The following CDH18 variants were observed in gnomAD, a reference collection of about 807,000 sequenced individuals.
The protein encoded by CDH18 is cadherin-18.
A neutral mutation model predicts 67.9 loss-of-function variants in CDH18; 31 were observed. The ratio of observed to expected loss-of-function variants is 0.46; its 90% CI spans 0.34 to 0.62. The LOEUF (loss-of-function observed/expected upper bound fraction) is 0.62. CDH18 is among the 20% of genes least tolerant of loss of function. The probability of loss-of-function intolerance (pLI) is 0.01; values close to 1 mark genes in which losing one functional copy is unlikely to be tolerated. For missense variants in CDH18, 890 were observed against 975.5 expected (o/e 0.91, Z 1.17); for synonymous variants, 362 against 347.2 (o/e 1.04, Z -0.48).
intron 1 of CDH18, among the ~76,000 whole-genome samples, chr5:20,379,708 G>A (rs1743755548): frequency 1.3e-5 from 2 of 151,766 alleles, no homozygotes; most frequent in South Asian, 4.2e-4. Context: ...TATTTTGAAG[G>A]ACAGATTCAG....
At chr5:19,797,584 C>T (rs1776990686) in intron 3 of CDH18, among the ~76,000 whole-genome samples, 1 of 151,932 alleles carries the variant, frequency 6.6e-6, no homozygotes, top group African/African-American at 2.4e-5. Flanking sequence ...ATTGCATTTA[C>T]AATCACTAAA....
intron 3 of CDH18, among the ~76,000 whole-genome samples, chr5:19,800,424 G>C (rs1461995816): frequency 1.3e-5 from 2 of 152,114 alleles, no homozygotes; most frequent in African/African-American, 4.8e-5. Flanking sequence ...TGGGATAACG[G>C]AAGGAGTCAG....
chr5:20,091,179 T>C (rs1745385886), intron 2 of CDH18, among the ~76,000 whole-genome samples: 1 of 151,980 alleles, frequency 6.6e-6, no homozygotes, highest in African/African-American at 2.4e-5. Context: ...TAAAGGTAAA[T>C]TGCAATATAC....
At chr5:20,262,799 G>C (rs964601665) in intron 1 of CDH18, among the ~76,000 whole-genome samples, 1 of 151,828 alleles carries the variant, frequency 6.6e-6, no homozygotes, top group Non-Finnish European at 1.5e-5. Flanking sequence ...AAATCGATCA[G>C]TTAAGTAATT....
chr5:20,438,774 T>A (rs946408277), intron 1 of CDH18, among the ~76,000 whole-genome samples: 14 of 151,462 alleles, frequency 9.2e-5, no homozygotes, highest in African/African-American at 3.4e-4. Context: ...TCACTCTGTT[T>A]TCTATCCCAG....
At chr5:19,994,176 G>T (rs1382810234) in intron 2 of CDH18, among the ~76,000 whole-genome samples, 1 of 151,886 alleles carries the variant, frequency 6.6e-6, no homozygotes, top group Non-Finnish European at 1.5e-5. Flanking sequence ...TTTGTCAACT[G>T]AATGAATGCA....
intron 2 of CDH18, among the ~76,000 whole-genome samples, chr5:19,925,991 G>A (rs989212637): frequency 2.0e-4 from 31 of 151,996 alleles, no homozygotes; most frequent in Middle Eastern, 3.2e-3. Context: ...TTATAGTAGC[G>A]AATAATAAAA....
At position 19,492,445 on chromosome 5, in the gene CDH18, A is replaced by G. The variant is rs1561188358; in HGVS notation, c.1631-8893T>C. Among the ~76,000 whole-genome samples, 3 of 152,258 alleles carry G rather than the reference A, an allele frequency of 2.0e-5. No homozygotes were observed. The East Asian group carries it at 5.8e-4, about 29-fold the overall frequency. On this transcript the variant is annotated intron_variant, in intron 11 of 12. Coordinates refer to ENST00000382275, the MANE Select transcript of CDH18 (RefSeq NM_004934.5). ...ATAAATTTAGTAATAATATGGCCAT[A>G]GTTTATTCACTATAGATGTGAAGTT...
rs571816654 is a variant in CDH18, at chr5:20,154,953, A to G, written c.-518+100491T>C. 3.3e-5 allele frequency among the ~76,000 whole-genome samples: 5 copies of G among 152,190 alleles called. No individual in the cohort carries two copies. In the South Asian group the frequency reaches 1.0e-3, roughly 32 times the overall value. ...GCATTTTTTGTTCCCACTACTTACAATATTTCTCATCCAATATCAACCTGA... is the reference window on the plus strand; with the variant it reads ...GCATTTTTTGTTCCCACTACTTACAGTATTTCTCATCCAATATCAACCTGA... On this transcript the variant is annotated intron_variant, in intron 2 of 14. Transcript: ENST00000507958.
chr5:20,122,761 A>C (rs1748470855), intron 2 of CDH18, among the ~76,000 whole-genome samples: 1 of 150,034 alleles, frequency 6.7e-6, no homozygotes, highest in African/African-American at 2.4e-5. Flanking sequence ...AAGCAGATTA[A>C]GCCTTGTGAA....
At chr5:19,954,151 G>T (rs6886507) in intron 2 of CDH18, among the ~76,000 whole-genome samples, 18,858 of 151,712 alleles carry the variant, frequency 0.12, 3,341 homozygotes, top group African/African-American at 0.4. Flanking sequence ...GGATCATCTG[G>T]GATTATGAAC....
At chr5:20,188,266 G>A (rs994896729) in intron 2 of CDH18, among the ~76,000 whole-genome samples, 2 of 152,048 alleles carry the variant, frequency 1.3e-5, no homozygotes, top group African/African-American at 2.4e-5. Context: ...TCATGTTGAA[G>A]CTATAGTTCA....
At chr5:19,955,787 A>G (rs1796205077) in intron 2 of CDH18, among the ~76,000 whole-genome samples, 1 of 152,110 alleles carries the variant, frequency 6.6e-6, no homozygotes, top group African/African-American at 2.4e-5. Flanking sequence ...ATTCCCAAAG[A>G]GTAACTGCCA....
intron 2 of CDH18, among the ~76,000 whole-genome samples, chr5:20,124,150 T>C (rs954932660): frequency 9.2e-5 from 14 of 152,166 alleles, no homozygotes; most frequent in African/African-American, 3.4e-4. Context: ...AGCACATTTT[T>C]GAGAAAGGGG....
chr5:19,760,831 C>G (rs1420172086), intron 3 of CDH18, among the ~76,000 whole-genome samples: 1 of 152,130 alleles, frequency 6.6e-6, no homozygotes, highest in African/African-American at 2.4e-5. Context: ...CTGGCAACTA[C>G]CTCAGGGGAG....
intron 2 of CDH18, among the ~76,000 whole-genome samples, chr5:20,022,568 A>G (rs1369887560): frequency 6.6e-6 from 1 of 152,208 alleles, no homozygotes; most frequent in Non-Finnish European, 1.5e-5. Context: ...TTTTTAATAT[A>G]ATGGGTCAAT....
chr5:19,838,628 C>T (rs932516869), intron 3 of CDH18, 131 bp downstream of exon 3: 2 of 628,864 alleles, frequency 3.2e-6, no homozygotes, highest in African/African-American at 3.7e-5. Flanking sequence ...GTAGTAGTTT[C>T]TATAGCGTAA....
intron 2 of CDH18, among the ~76,000 whole-genome samples, chr5:20,079,090 C>T (rs1043063319): frequency 1.3e-5 from 2 of 151,840 alleles, no homozygotes; most frequent in Admixed American, 1.3e-4. Flanking sequence ...ATTTAAAATC[C>T]CTATTTTGAA....
In CDH18 at chr5:20,099,526, T is replaced by C. The variant is rs180815153; in HGVS notation, c.-517-107512A>G. Among the ~76,000 whole-genome samples the C allele has an allele frequency of 2.2e-3, 333 of 152,308 alleles. 1 individual carries two copies. The highest frequency in any genetic ancestry group is 7.5e-3 in the African/African-American group (313 of 41,584). On this transcript the variant is annotated intron_variant, in intron 2 of 14. Coordinates refer to the CDH18 transcript ENST00000507958. Reference sequence around the variant, plus strand: ...ATTATTGTCTCCCATTTTCATCTTTTTATCCACATAAATCATACATCTATC... The same window carrying C: ...ATTATTGTCTCCCATTTTCATCTTTCTATCCACATAAATCATACATCTATC...
Sources: allele counts gnomAD v4.1 joint callset (sites outside exome capture counted in the v4.1 genomes callset), GRCh38; gene constraint gnomAD v4.1.1; transcripts MANE v1.5; gene names NCBI Gene and HGNC (gene_info 2026-07-23, HGNC 2026-07-21).